AUTS2: variants seen among roughly 807,000 people sequenced by gnomAD.
AUTS2 encodes the protein activator of transcription and developmental regulator AUTS2, also known as autism susceptibility gene 2 protein.
A neutral mutation model predicts 112.4 loss-of-function variants in AUTS2; 17 were observed. That is an observed-to-expected ratio of 0.15 (90% CI 0.10 to 0.23). The LOEUF (loss-of-function observed/expected upper bound fraction) is 0.23, where lower values mean the gene tolerates loss of function less well. Ranked by LOEUF, AUTS2 falls within the 10% of genes least tolerant of loss-of-function variation. AUTS2 has a pLI of 1.00. For missense variants in AUTS2, 1,510 were observed against 1,701.6 expected (o/e 0.89, Z 1.98); for synonymous variants, 751 against 702.7 (o/e 1.07, Z -1.09).
rs982126697 is a variant in AUTS2 at position 70,631,841 on chromosome 7, G to A, written c.691-66728G>A. The stretch of plus-strand genomic sequence containing the variant: ...GTGCTAACTTGCTAGGGGGCAGGGC[G>A]CACTCTGCCGCTTTGGCTTAGTTCT... On this transcript the variant is annotated intron_variant, in intron 5 of 18. Transcript: ENST00000342771. The surrounding 1 kb of genome is among the most constrained non-coding windows in gnomAD (Gnocchi z 4.5). Among the ~76,000 whole-genome samples, 7 of 152,012 alleles carry A rather than the reference G, an allele frequency of 4.6e-5. No homozygotes were observed. Among genetic ancestry groups the A allele is most frequent in the Admixed American group, 6.6e-5 (1 of 15,264 alleles).
At chr7:69,656,875 G>C (rs1408521617) in intron 1 of AUTS2, among the ~76,000 whole-genome samples, 1 of 152,176 alleles carries the variant, frequency 6.6e-6, no homozygotes, top group Non-Finnish European at 1.5e-5. Flanking sequence ...CTCCTTTCAT[G>C]TGACATTCAG....
chr7:70,153,932 A>G (rs1807596030), intron 4 of AUTS2, among the ~76,000 whole-genome samples: 2 of 152,204 alleles, frequency 1.3e-5, no homozygotes, highest in South Asian at 2.1e-4. Context: ...TCAGAGCTCA[A>G]AATTGCTCTC....
intron 1 of AUTS2, among the ~76,000 whole-genome samples, chr7:69,653,761 T>A (rs767646475): frequency 1.3e-5 from 2 of 152,104 alleles, no homozygotes; most frequent in African/African-American, 4.8e-5. Context: ...GAAGAATGTG[T>A]GCTCATTTTG....
intron 2 of AUTS2, among the ~76,000 whole-genome samples, chr7:69,914,262 ATGGATG>A (rs1251406412): frequency 6.6e-6 from 1 of 151,646 alleles, no homozygotes; most frequent in Non-Finnish European, 1.5e-5. Context: ...AATTTTTGCA[ATGGATG>A]ACATTGCTAA....
In AUTS2 at chr7:70,625,662, T is replaced by TGCCAG. The variant is rs1482469765; in HGVS notation, c.691-72903_691-72899dup. On this transcript the variant is annotated intron_variant, in intron 5 of 18. Transcript: ENST00000342771. Reference sequence around the variant, plus strand: ...TTGCACCTATGAGGAGGTGAGAAAGTGCCAGGCCGTCATGCCCCTCTATAC... The same window carrying TGCCAG: ...TTGCACCTATGAGGAGGTGAGAAAGTGCCAGGCCAGGCCGTCATGCCCCTCTATAC... Among the ~76,000 whole-genome samples, 5 of 152,188 alleles carry TGCCAG rather than the reference T, an allele frequency of 3.3e-5. No homozygotes were observed. In the East Asian group the frequency reaches 9.6e-4, roughly 29 times the overall value.
chr7:69,830,762 C>A (rs572456252), intron 1 of AUTS2, among the ~76,000 whole-genome samples: 4 of 152,152 alleles, frequency 2.6e-5, no homozygotes, highest in Admixed American at 1.3e-4. Context: ...ACACTTAAAT[C>A]GTTTTCTTTG....
chr7:70,252,824 AC>A (rs1178845601), intron 4 of AUTS2, among the ~76,000 whole-genome samples: 1 of 152,076 alleles, frequency 6.6e-6, no homozygotes, highest in Non-Finnish European at 1.5e-5. Context: ...TTTTCCCAAT[AC>A]CAGTTATTAA....
intron 5 of AUTS2, among the ~76,000 whole-genome samples, chr7:70,438,046 G>A (rs1041041779): frequency 2.6e-5 from 4 of 151,866 alleles, no homozygotes; most frequent in African/African-American, 9.7e-5. Context: ...GAGCCTTTGG[G>A]GCTGTCTTGA....
intron 5 of AUTS2, among the ~76,000 whole-genome samples, chr7:70,627,805 G>T (rs1004999082): frequency 6.6e-6 from 1 of 152,230 alleles, no homozygotes; most frequent in Non-Finnish European, 1.5e-5. Flanking sequence ...TATGTACACG[G>T]TGGAGGAAAA....
At chr7:69,913,060 C>T (rs1157521015) in intron 2 of AUTS2, among the ~76,000 whole-genome samples, 2 of 152,208 alleles carry the variant, frequency 1.3e-5, no homozygotes, top group Non-Finnish European at 2.9e-5. Flanking sequence ...CTTTCCCACT[C>T]TCTGTAAACA....
intron 2 of AUTS2, among the ~76,000 whole-genome samples, chr7:69,973,943 A>T (rs1303114903): frequency 6.6e-6 from 1 of 152,226 alleles, no homozygotes; most frequent in Non-Finnish European, 1.5e-5. Context: ...CCATAAAATG[A>T]TTTAAAAGTG....
chr7:70,100,429 A>ATT (rs59053495), intron 2 of AUTS2, among the ~76,000 whole-genome samples: 2 of 145,596 alleles, frequency 1.4e-5, no homozygotes, highest in African/African-American at 5.0e-5. Flanking sequence ...CGGTTGTACC[A>ATT]TTTTTTTTTT....
Position 70,086,457 on chromosome 7 carries a change from C to T in AUTS2, c.523-31675C>T, listed in dbSNP as rs886132282. 4.6e-5 allele frequency among the ~76,000 whole-genome samples: 7 copies of T among 152,034 alleles called. No individual in the cohort carries two copies. The East Asian group carries it at 1.4e-3, about 29-fold the overall frequency. On this transcript the variant is annotated intron_variant, in intron 2 of 18. Coordinates refer to ENST00000342771, the MANE Select transcript of AUTS2 (RefSeq NM_015570.4). The stretch of plus-strand genomic sequence containing the variant: ...AGGAGTTCAAGACCAGCCTGGCCAA[C>T]ATGCTGAAACCCAGCCTCTACTAAA...
intron 4 of AUTS2, 83 bp from the exon 5 acceptor site, chr7:70,435,669 A>G (rs1795862949): frequency 7.4e-7 from 1 of 1,351,264 alleles, no homozygotes; most frequent in Admixed American, 1.8e-5. Flanking sequence ...CTTTTTTTGT[A>G]TGGGGGTTGG....
chr7:69,947,448 G>A (rs1012898323), intron 2 of AUTS2, among the ~76,000 whole-genome samples: 4 of 152,138 alleles, frequency 2.6e-5, no homozygotes, highest in Admixed American at 6.5e-5. Context: ...GAGATAGATC[G>A]TTGCTAACGT....
intron 5 of AUTS2, among the ~76,000 whole-genome samples, chr7:70,492,000 G>A (rs1295408998): frequency 1.3e-5 from 2 of 152,102 alleles, no homozygotes; most frequent in African/African-American, 2.4e-5. Context: ...ACAGGCCTAG[G>A]TGTGGTGTTC....
chr7:69,689,164 A>C (rs1797190885), intron 1 of AUTS2, among the ~76,000 whole-genome samples: 1 of 152,022 alleles, frequency 6.6e-6, no homozygotes, highest in African/African-American at 2.4e-5. Flanking sequence ...CATTTGTAGA[A>C]TATGGATCCC....
chr7:70,284,231 C>T (rs1257591229), intron 4 of AUTS2, among the ~76,000 whole-genome samples: 2 of 152,150 alleles, frequency 1.3e-5, no homozygotes, highest in East Asian at 3.8e-4. Context: ...TTAGTGACTG[C>T]ATATTATATC....
At chr7:70,286,424 CAG>C (rs1375390665) in intron 4 of AUTS2, among the ~76,000 whole-genome samples, 3 of 152,206 alleles carry the variant, frequency 2.0e-5, no homozygotes, top group Non-Finnish European at 2.9e-5. Flanking sequence ...AAAACTAAAA[CAG>C]AAAGTATTCT....
Sources: allele counts gnomAD v4.1 joint callset (sites outside exome capture counted in the v4.1 genomes callset), GRCh38; gene constraint gnomAD v4.1.1; non-coding constraint Gnocchi (gnomAD v3.1); transcripts MANE v1.5; gene names NCBI Gene and HGNC (gene_info 2026-07-23, HGNC 2026-07-21).